Variants in PKHD1L1 observed in about 807,000 individuals in gnomAD.
The protein encoded by PKHD1L1 is PKHD1 like 1.
In PKHD1L1, 434 loss-of-function variants were observed where a neutral mutation model predicts 462.9. The observed-to-expected ratio is 0.94, with a 90% CI of 0.87 to 1.02. The LOEUF is 1.02. PKHD1L1 is among the 50% of genes least tolerant of loss of function. The pLI, the probability that PKHD1L1 is intolerant of heterozygous loss-of-function variation, is 0.00. For synonymous variants in PKHD1L1, 1,781 were observed against 1,750.0 expected (o/e 1.02, Z -0.44); for missense variants, 5,202 against 5,096.1 (o/e 1.02, Z -0.63).
intron 4 of PKHD1L1, among the ~76,000 whole-genome samples, 168 bp from the exon 5 acceptor site, chr8:109,383,902 T>C (rs1019285590): frequency 1.3e-5 from 2 of 152,204 alleles, no homozygotes; most frequent in Non-Finnish European, 2.9e-5. Context: ...ACGATGATCC[T>C]ATCCTCTAAT....
chr8:109,404,573 CT>C lies in PKHD1L1; in HGVS notation c.1394del (p.Leu465ArgfsTer6). 6.4e-7 allele frequency: 1 copy of C among 1,570,562 alleles called. No individual in the cohort carries two copies. Among genetic ancestry groups the C allele is most frequent in the South Asian group, 1.2e-5 (1 of 83,726 alleles). On this transcript the variant is annotated frameshift_variant, in exon 15 of 78. Transcript: ENST00000378402. LOFTEE classifies it high-confidence loss of function. The part of the protein sequence containing the change: ...KGKEYYIEIL[L>X]QEYRLSAFVD... ...TTCCAGATACTATATTGAAATCTTG[CT>C]GCAGGAGTACAGATTAAGTGCATTT...
Position 109,429,430 on chromosome 8 carries a change from G to A in PKHD1L1, c.3091G>A (p.Asp1031Asn). The change falls in exon 26 of 78, where the codon GAC (aspartate) becomes AAC (asparagine). Residue 1031 changes from aspartate (D) to asparagine (N), a missense_variant. By Grantham distance (23) the Asp-to-Asn change is conservative. Around this residue, in one of 3 missense-constraint regions of PKHD1L1, gnomAD observed 4,497 missense variants for 4,336.8 expected, o/e 1.04. Coordinates refer to ENST00000378402, the MANE Select transcript of PKHD1L1 (RefSeq NM_177531.6). ...GGLFRQHVLG[D>N]LLRTPSQQPQ... ...CTTATTCAGACAACATGTACTTGGA[G>A]ACCTACTTCGTACACCCAGTCAACA... 1.2e-6 allele frequency: 2 copies of A among 1,608,080 alleles called. No individual in the cohort carries two copies. Among genetic ancestry groups the A allele is most frequent in the Non-Finnish European group, 1.7e-6 (2 of 1,176,750 alleles).
At chr8:109,475,013 T>G in intron 50 of PKHD1L1, 105 bp from the exon 51 acceptor site, 4 of 1,055,134 alleles carry the variant, frequency 3.8e-6, no homozygotes, top group Non-Finnish European at 5.3e-6. Context: ...AACCAACATT[T>G]GCTAAACCAA....
At chr8:109,497,469 G>A (rs1020754941) in intron 65 of PKHD1L1, among the ~76,000 whole-genome samples, 197 bp downstream of exon 65, 44 of 131,868 alleles carry the variant, frequency 3.3e-4, no homozygotes, top group Non-Finnish European at 4.8e-4. Flanking sequence ...GTCTCGCTCC[G>A]TAGCCCAGGC....
chr8:109,511,586 G>A (rs1429821051), intron 71 of PKHD1L1, among the ~76,000 whole-genome samples: 7 of 151,786 alleles, frequency 4.6e-5, no homozygotes, highest in Non-Finnish European at 5.9e-5. Context: ...TCTTAATCCA[G>A]TCTATCATTG....
At chr8:109,398,232 A>G (rs1207247097) in intron 11 of PKHD1L1, among the ~76,000 whole-genome samples, 6 of 152,176 alleles carry the variant, frequency 3.9e-5, no homozygotes, top group Non-Finnish European at 5.9e-5. Flanking sequence ...GAAATTTTCT[A>G]TCTCAGTCTT....
At position 109,452,814 on chromosome 8, in the gene PKHD1L1, A is replaced by G; in HGVS notation, c.6604A>G (p.Lys2202Glu). The change falls in exon 43 of 78, where the codon AAA becomes GAA. Residue 2202 changes from lysine (K) to glutamate (E), a missense_variant. Transcript: ENST00000378402. ...AGAAGGATCTCTTGTTGTTATTACA[A>G]AAGGACAGACCATTCTGCTGGATCA... ...PEEGSLVVIT[K>E]GQTILLDQST... 1 of 1,538,088 alleles carries G rather than the reference A, an allele frequency of 6.5e-7. No individual in the cohort carries two copies. Among genetic ancestry groups the G allele is most frequent in the Admixed American group, 2.2e-5 (1 of 46,294 alleles).
Position 109,442,953 on chromosome 8 carries a change from T to TTTTTTCCAA in PKHD1L1, c.4402_4403insTTTTCCAAT (p.Phe1467_Ser1468insPhePheGln). 1 of 1,613,008 alleles carries TTTTTTCCAA rather than the reference T, an allele frequency of 6.2e-7. No individual in the cohort carries two copies. The highest frequency in any genetic ancestry group is 8.5e-7 in the Non-Finnish European group (1 of 1,179,248). On this transcript the variant is annotated inframe_insertion, in exon 36 of 78. Transcript: ENST00000378402. The stretch of plus-strand genomic sequence containing the variant: ...AATCTCATTTTATGGCAGGTTCATT[T>TTTTTTCCAA]TCTTACCAATTTACTTCTCCTGGAA...
In PKHD1L1 at chr8:109,536,313, C is replaced by CT. The variant is rs1315576041; in HGVS notation, c.*6224dup. ...TAACCTAATTTTGCAGATGAGAAAA[C>CT]TGAGGCTTAAAGTTGTTCAAGGTCA... On this transcript the variant is annotated 3_prime_UTR_variant, in exon 78 of 78. Transcript: ENST00000378402. Among the ~76,000 whole-genome samples the CT allele has an allele frequency of 6.6e-6, 1 of 152,196 alleles. No individual in the cohort carries two copies. The highest frequency in any genetic ancestry group is 2.4e-5 in the African/African-American group (1 of 41,450).
chr8:109,421,961 A>G (rs965898899), intron 23 of PKHD1L1, among the ~76,000 whole-genome samples: 2 of 152,176 alleles, frequency 1.3e-5, no homozygotes, highest in Non-Finnish European at 2.9e-5. Flanking sequence ...GTGACCTTTT[A>G]AAAAAATTCA....
At position 109,420,621 on chromosome 8, in the gene PKHD1L1, A is replaced by G. The variant is rs1321476046; in HGVS notation, c.2628A>G (p.Gln876=). The G allele has an allele frequency of 6.2e-7, 1 of 1,609,524 alleles. No individual in the cohort carries two copies. Among genetic ancestry groups the G allele is most frequent in the African/African-American group, 1.3e-5 (1 of 74,608 alleles). Reference sequence around the variant, plus strand: ...CAAATGGGCCAACTATGACAAACCAATATTCTGTTACCATGACTTCATACA... The same window carrying G: ...CAAATGGGCCAACTATGACAAACCAGTATTCTGTTACCATGACTTCATACA... ...TKTNGPTMTN[Q]YSVTMTSYNC... The change falls in exon 23 of 78, where the codon CAA becomes CAG. Residue 876 remains glutamine, a synonymous_variant. Coordinates refer to ENST00000378402, the MANE Select transcript of PKHD1L1 (RefSeq NM_177531.6).
At chr8:109,392,130 G>T (rs1812741189) in intron 9 of PKHD1L1, among the ~76,000 whole-genome samples, 1 of 152,118 alleles carries the variant, frequency 6.6e-6, no homozygotes, top group African/African-American at 2.4e-5. Flanking sequence ...GAACGTATTA[G>T]AAAACCATGT....
In PKHD1L1 at chr8:109,464,399, G is replaced by T; in HGVS notation, c.7567G>T (p.Gly2523Ter). The change falls in exon 49 of 78, where the codon GGA (glycine) becomes TGA (stop). Residue 2523 changes from glycine (G) to a stop codon, truncating the protein, a stop_gained. Coordinates refer to ENST00000378402, the MANE Select transcript of PKHD1L1 (RefSeq NM_177531.6). LOFTEE classifies it high-confidence loss of function. ...VERNIIYDIKGGAFFIEDGIE... is the reference protein window; with the variant it reads ...VERNIIYDIK Reference sequence around the variant, plus strand: ...GAGGAATATTATATATGATATTAAGGGAGGAGCATTTTTTATAGAAGATGG... The same window carrying T: ...GAGGAATATTATATATGATATTAAGTGAGGAGCATTTTTTATAGAAGATGG... The T allele has an allele frequency of 6.2e-7, 1 of 1,613,376 alleles. No individual in the cohort carries two copies. The highest frequency in any genetic ancestry group is 8.5e-7 in the Non-Finnish European group (1 of 1,179,628).
At chr8:109,380,697 A>G (rs1812066308) in intron 2 of PKHD1L1, among the ~76,000 whole-genome samples, 1 of 152,188 alleles carries the variant, frequency 6.6e-6, no homozygotes, top group African/African-American at 2.4e-5. Context: ...TCCCAGCAAT[A>G]TTGAGCCCCA....
Position 109,408,107 on chromosome 8 carries a change from T to C in PKHD1L1, c.1872T>C (p.Ile624=), listed in dbSNP as rs1813654685. Residue 624 remains isoleucine (I), a synonymous_variant, in exon 18 of 78, where the codon ATT becomes ATC. Coordinates refer to ENST00000378402, the MANE Select transcript of PKHD1L1 (RefSeq NM_177531.6). ...AAGGGAATAATGTCACACTGGATAT[T>C]ACAGAACAAACCAAAGGAAAACCCA... The part of the protein sequence containing the change: ...VVEGNNVTLD[I]TEQTKGKPNL... The C allele has an allele frequency of 6.2e-7, 1 of 1,613,352 alleles. No homozygotes were observed. The highest frequency in any genetic ancestry group is 8.5e-7 in the Non-Finnish European group (1 of 1,179,578).
At chr8:109,375,688 G>A (rs1171789585) in intron 2 of PKHD1L1, among the ~76,000 whole-genome samples, 1 of 152,086 alleles carries the variant, frequency 6.6e-6, no homozygotes, top group East Asian at 1.9e-4. Context: ...TGGTGTGGAT[G>A]TCCTTTCTGT....
chr8:109,419,115 A>G lies in PKHD1L1; in HGVS notation c.2379A>G (p.Ile793Met), dbSNP rs1403586013. The change falls in exon 22 of 78, where the codon ATA becomes ATG. Residue 793 changes from isoleucine to methionine, a missense_variant. Coordinates refer to ENST00000378402, the MANE Select transcript of PKHD1L1 (RefSeq NM_177531.6). ...AYGNNWTYTC[I>M]DLLDLVRTKY... is the part of the protein sequence containing the mutation. The stretch of plus-strand genomic sequence containing the variant: ...ATTTCAGCTGGACTTACACTTGCAT[A>G]GACCTTCTGGATCTCGTAAGAACGA... 6.2e-7 allele frequency: 1 copy of G among 1,613,326 alleles called. No homozygotes were observed. Among genetic ancestry groups the G allele is most frequent in the Non-Finnish European group, 8.5e-7 (1 of 1,179,434 alleles).
At chr8:109,452,664 T>A in intron 42 of PKHD1L1, 54 bp from the exon 43 acceptor site, 2 of 1,255,738 alleles carry the variant, frequency 1.6e-6, no homozygotes, top group Non-Finnish European at 2.0e-6. Flanking sequence ...AAAAATCGAA[T>A]GAAAAACTCT....
chr8:109,495,762 G>T (rs556557964), intron 63 of PKHD1L1, among the ~76,000 whole-genome samples: 1 of 152,178 alleles, frequency 6.6e-6, no homozygotes, highest in Non-Finnish European at 1.5e-5. Flanking sequence ...GAAGATAAAA[G>T]GAAACAGATA....
Sources: gnomAD v4.1 joint callset for allele counts (sites outside exome capture counted in the v4.1 genomes callset) on GRCh38, gnomAD v4.1.1 for gene constraint, gnomAD v4.1.1 regional missense constraint, MANE v1.5 for transcripts, NCBI Gene and HGNC (gene_info 2026-07-23, HGNC 2026-07-21) for gene names.